Variants in KAZN observed in about 807,000 individuals in gnomAD.
KAZN encodes the protein kazrin, periplakin interacting protein.
A neutral mutation model predicts 87.4 loss-of-function variants in KAZN; 40 were observed. The ratio of observed to expected loss-of-function variants is 0.46; its 90% CI spans 0.36 to 0.60. The LOEUF (loss-of-function observed/expected upper bound fraction) is 0.60. Ranked by LOEUF, KAZN falls within the 20% of genes least tolerant of loss-of-function variation. The probability of loss-of-function intolerance (pLI) is 0.00; values close to 1 mark genes in which losing one functional copy is unlikely to be tolerated. For synonymous variants in KAZN, 466 were observed against 458.3 expected, an observed-to-expected ratio of 1.02 and a Z score of -0.22; for missense variants, 898 against 1,073.9, an observed-to-expected ratio of 0.84 and a Z score of 2.29.
At chr1:15,024,196 G>A (rs771623717) in intron 2 of KAZN, among the ~76,000 whole-genome samples, 3 of 152,176 alleles carry the variant, frequency 2.0e-5, no homozygotes, top group Non-Finnish European at 4.4e-5. Flanking sequence ...AACGGAGCAG[G>A]CAGAAATGAG....
At position 15,015,300 on chromosome 1, in the gene KAZN, C is replaced by G. The variant is rs1669976288; in HGVS notation, c.419-19449C>G. Among the ~76,000 whole-genome samples the G allele has an allele frequency of 2.0e-5, 3 of 151,932 alleles. No individual in the cohort carries two copies. The South Asian group carries it at 6.2e-4, about 32-fold the overall frequency. ...CCTGGGTAGCTGGGATTACAGGCGC[C>G]CGCCACCACACCCAGCTAATTTTTG... On this transcript the variant is annotated intron_variant, in intron 2 of 14. Transcript: ENST00000376030.
intron 1 of KAZN, among the ~76,000 whole-genome samples, chr1:14,609,350 G>A (rs1278362277): frequency 1.3e-5 from 2 of 152,146 alleles, no homozygotes; most frequent in Non-Finnish European, 2.9e-5. Context: ...GAGGAGAAAG[G>A]CATGTTTAAG....
intron 2 of KAZN, among the ~76,000 whole-genome samples, chr1:14,508,320 G>A (rs928073007): frequency 2.6e-5 from 4 of 152,108 alleles, no homozygotes; most frequent in Non-Finnish European, 2.9e-5. Context: ...ATCTGTTCCC[G>A]TCACTATTGC....
intron 1 of KAZN, among the ~76,000 whole-genome samples, chr1:14,100,532 G>A (rs1027821720): frequency 2.0e-5 from 3 of 152,170 alleles, no homozygotes; most frequent in Admixed American, 6.5e-5. Flanking sequence ...TCACTGTGAT[G>A]TCCTAGAGGG....
chr1:14,828,902 G>A (rs1646974947), intron 1 of KAZN, among the ~76,000 whole-genome samples: 3 of 152,194 alleles, frequency 2.0e-5, no homozygotes, highest in Admixed American at 2.0e-4. Flanking sequence ...AGAAGAGATA[G>A]CGAGAGCAAC....
At chr1:14,636,183 G>A (rs1474812365) in intron 1 of KAZN, among the ~76,000 whole-genome samples, 1 of 152,136 alleles carries the variant, frequency 6.6e-6, no homozygotes, top group Non-Finnish European at 1.5e-5. Context: ...TATGAGATGG[G>A]GTGATTTGGG....
intron 1 of KAZN, among the ~76,000 whole-genome samples, chr1:14,663,110 G>A (rs546166532): frequency 1.3e-5 from 2 of 151,876 alleles, no homozygotes; most frequent in East Asian, 1.9e-4. Context: ...AGCTGGAACA[G>A]CAGGCGTGCA....
At chr1:14,762,650 G>A (rs10927538) in intron 1 of KAZN, among the ~76,000 whole-genome samples, 60,653 of 151,644 alleles carry the variant, frequency 0.4, 12,742 homozygotes, top group Non-Finnish European at 0.47. Context: ...GCGTGAACCC[G>A]GGAGGCGGAG....
In KAZN at chr1:14,415,113, G is replaced by A. The variant is rs190452798; in HGVS notation, c.250-183870G>A. Among the ~76,000 whole-genome samples the A allele has an allele frequency of 1.2e-3, 176 of 152,254 alleles. 1 individual carries two copies. The highest frequency in any genetic ancestry group is 0.01 in the Admixed American group (159 of 15,296). On this transcript the variant is annotated intron_variant, in intron 2 of 16. Coordinates refer to the KAZN transcript ENST00000636203. ...ATCTACAAAACTTTAATCCTATTAA[G>A]CAAGTAAGTAAAGCAATTAGACATC...
chr1:15,110,441 GTGTA>G (rs762035788), intron 13 of KAZN, among the ~76,000 whole-genome samples: 116 of 149,896 alleles, frequency 7.7e-4, no homozygotes, highest in African/African-American at 2.2e-3. Flanking sequence ...ATGTGTATTT[GTGTA>G]TGTGTGTATT....
At chr1:15,007,123 A>G (rs1265630487) in intron 2 of KAZN, among the ~76,000 whole-genome samples, 1 of 152,062 alleles carries the variant, frequency 6.6e-6, no homozygotes, top group Non-Finnish European at 1.5e-5. Context: ...GATACTCATA[A>G]TACCAATCAC....
intron 2 of KAZN, among the ~76,000 whole-genome samples, chr1:14,576,336 G>A (rs528728438): frequency 8.7e-5 from 13 of 149,876 alleles, no homozygotes; most frequent in Admixed American, 5.3e-4. Flanking sequence ...ATGGATGGAC[G>A]GACAGATAAA....
intron 1 of KAZN, among the ~76,000 whole-genome samples, chr1:14,622,547 C>T (rs1449103755): frequency 1.3e-5 from 2 of 151,794 alleles, no homozygotes; most frequent in Admixed American, 1.3e-4. Flanking sequence ...AAAAATTAGC[C>T]GGGCGTGGTG....
intron 2 of KAZN, among the ~76,000 whole-genome samples, chr1:14,436,294 C>G (rs1204042621): frequency 6.6e-6 from 1 of 151,972 alleles, no homozygotes. Context: ...CACAGTCACT[C>G]AGGCAGGAAG....
chr1:14,730,145 G>A (rs1019621832), intron 1 of KAZN, among the ~76,000 whole-genome samples: 4 of 152,154 alleles, frequency 2.6e-5, no homozygotes, highest in Middle Eastern at 3.4e-3. Flanking sequence ...GTGCAGTGGC[G>A]CGATCTCGGC....
intron 1 of KAZN, among the ~76,000 whole-genome samples, chr1:14,801,543 C>T (rs1646022250): frequency 6.6e-6 from 1 of 152,102 alleles, no homozygotes; most frequent in Non-Finnish European, 1.5e-5. Flanking sequence ...GGAGCAGAGG[C>T]CTCCCCAGAT....
chr1:14,398,804 C>T (rs12064372), intron 2 of KAZN, among the ~76,000 whole-genome samples: 1,569 of 152,310 alleles, frequency 0.01, 33 homozygotes, highest in African/African-American at 0.036. Context: ...CTCCAGACCA[C>T]GTGGTCAAGC....
chr1:14,166,715 GTTATAC>G (rs1645834699), intron 1 of KAZN, among the ~76,000 whole-genome samples: 1 of 152,080 alleles, frequency 6.6e-6, no homozygotes, highest in South Asian at 2.1e-4. Context: ...GGGCATTTTA[GTTATAC>G]TTAAGTACAA....
intron 2 of KAZN, among the ~76,000 whole-genome samples, chr1:14,369,282 G>A (rs1054695426): frequency 1.3e-5 from 2 of 152,154 alleles, no homozygotes; most frequent in African/African-American, 2.4e-5. Context: ...AAAATGTATC[G>A]TTCGCTCTTC....
Sources: gnomAD v4.1 joint callset for allele counts (sites outside exome capture counted in the v4.1 genomes callset) on GRCh38, gnomAD v4.1.1 for gene constraint, MANE v1.5 for transcripts, NCBI Gene and HGNC (gene_info 2026-07-23, HGNC 2026-07-21) for gene names.